Variants in SCN10A observed in about 807,000 individuals in gnomAD.
SCN10A encodes the protein sodium channel protein type 10 subunit alpha.
In SCN10A, 162 loss-of-function variants were observed where a neutral mutation model predicts 170.7. The ratio of observed to expected loss-of-function variants is 0.95; its 90% CI spans 0.84 to 1.08. The LOEUF is 1.08. SCN10A is among the 50% of genes least tolerant of loss of function. SCN10A has a pLI of 0.00. For missense variants in SCN10A, 2,527 were observed against 2,436.9 expected, an observed-to-expected ratio of 1.04 and a Z score of -0.78; for synonymous variants, 985 against 904.6, an observed-to-expected ratio of 1.09 and a Z score of -1.59.
chr3:38,756,190 G>A (rs2063802716), intron 10 of SCN10A, among the ~76,000 whole-genome samples: 1 of 152,158 alleles, frequency 6.6e-6, no homozygotes, highest in South Asian at 2.1e-4. Context: ...CACCAGGTCA[G>A]CACAGCTATC....
chr3:38,790,837 A>T (rs2064272069), intron 3 of SCN10A, among the ~76,000 whole-genome samples: 1 of 152,184 alleles, frequency 6.6e-6, no homozygotes, highest in South Asian at 2.1e-4. Context: ...ATTGACACTT[A>T]GGAAGTATTT....
intron 27 of SCN10A, 52 bp downstream of exon 27, chr3:38,701,787 A>C (rs910723486): frequency 6.6e-7 from 1 of 1,522,712 alleles, no homozygotes; most frequent in African/African-American, 1.4e-5. Flanking sequence ...AGAGCATCCC[A>C]AAGACCCCCA....
At position 38,804,882 on chromosome 3, in the gene SCN10A, AAGG is replaced by A. The variant is rs555680207; in HGVS notation, c.-32-10843_-32-10841del. 1.6e-4 allele frequency among the ~76,000 whole-genome samples: 24 copies of A among 152,274 alleles called. No homozygotes were observed. The South Asian group carries it at 1.7e-3, about 11-fold the overall frequency. ...TACAAAGATGCGGTAGCCAAAAATG[AAGG>A]AGAAGAAAAAGGATATGTCAGTGTC... On this transcript the variant is annotated intron_variant, in intron 1 of 27. Coordinates refer to ENST00000449082, the MANE Select transcript of SCN10A (RefSeq NM_006514.4).
chr3:38,734,887 A>G (rs1017529060), intron 15 of SCN10A, among the ~76,000 whole-genome samples: 9 of 152,206 alleles, frequency 5.9e-5, no homozygotes, highest in Non-Finnish European at 2.9e-5. Context: ...AGAAGAAATT[A>G]GGCTGGGCGT....
At chr3:38,757,764 C>G (rs1489178250) in intron 8 of SCN10A, among the ~76,000 whole-genome samples, 1 of 152,168 alleles carries the variant, frequency 6.6e-6, no homozygotes, top group Non-Finnish European at 1.5e-5. Flanking sequence ...ATATAACTGT[C>G]AAGTAGCCCA....
At position 38,760,688 on chromosome 3, in the gene SCN10A, C is replaced by A; in HGVS notation, c.943G>T (p.Asp315Tyr). 1 of 1,613,620 alleles carries A rather than the reference C, an allele frequency of 6.2e-7. No individual in the cohort carries two copies. Among genetic ancestry groups the A allele is most frequent in the South Asian group, 1.1e-5 (1 of 91,078 alleles). ...CATAAGTTGGGAACTCACCCTGAGT[C>A]AGATCCATTGCCACACAGTAAGGGG... is the stretch of plus-strand genomic sequence containing the variant. ...SDPLLCGNGS[D>Y]SGHCPDGYIC... Residue 315 changes from aspartate (D) to tyrosine (Y), a missense_variant, in exon 8 of 28, where the codon GAC (aspartate) becomes TAC (tyrosine). By Grantham distance (160) the Asp-to-Tyr change is radical. Transcript: ENST00000449082.
At chr3:38,719,029 C>T (rs561960357) in intron 20 of SCN10A, among the ~76,000 whole-genome samples, 41 of 152,360 alleles carry the variant, frequency 2.7e-4, no homozygotes, top group Admixed American at 1.2e-3. Flanking sequence ...AGCATGACTT[C>T]TTCAGGGCCA....
At chr3:38,713,820 G>T in intron 22 of SCN10A, 138 bp downstream of exon 22, 3 of 955,700 alleles carry the variant, frequency 3.1e-6, no homozygotes, top group Non-Finnish European at 4.6e-6. Flanking sequence ...CAGAGACAGG[G>T]TTTCGGCATG....
rs1181438824 is a variant in SCN10A, at chr3:38,742,375, G to T, written c.2022C>A (p.Cys674Ter). 1 of 1,614,048 alleles carries T rather than the reference G, an allele frequency of 6.2e-7. No individual in the cohort carries two copies. Among genetic ancestry groups the T allele is most frequent in the Non-Finnish European group, 8.5e-7 (1 of 1,180,012 alleles). The change falls in exon 14 of 28, where the codon TGC becomes TGA. Residue 674 changes from cysteine (C) to a stop codon, truncating the protein, a stop_gained. Coordinates refer to ENST00000449082, the MANE Select transcript of SCN10A (RefSeq NM_006514.4). LOFTEE classifies it high-confidence loss of function. ...DPFAELTITL[C>*]IVVNTIFMAM... ...CCATGAAGATGGTGTTCACCACGAT[G>T]CACAAGGTGATGGTGAGCTCTGCAA...
At chr3:38,756,902 G>A (rs749963613) in intron 9 of SCN10A, 31 bp from the exon 10 acceptor site, 2 of 1,612,172 alleles carry the variant, frequency 1.2e-6, no homozygotes, top group South Asian at 1.1e-5. Flanking sequence ...AGAGAAACCT[G>A]TACCCATAGC....
At chr3:38,746,095 ATATATGCCAT>A (rs2063686504) in intron 13 of SCN10A, among the ~76,000 whole-genome samples, 1 of 115,668 alleles carries the variant, frequency 8.6e-6, no homozygotes, top group Non-Finnish European at 1.8e-5. Flanking sequence ...ATATATATAT[ATATATGCCAT>A]CTTTGTCATC....
At chr3:38,724,596 C>T (rs919520800) in intron 18 of SCN10A, among the ~76,000 whole-genome samples, 1 of 152,152 alleles carries the variant, frequency 6.6e-6, no homozygotes, top group Non-Finnish European at 1.5e-5. Flanking sequence ...CTACTTTTGC[C>T]TAGAGAAAAT....
intron 27 of SCN10A, among the ~76,000 whole-genome samples, chr3:38,701,486 AC>A (rs2063155592): frequency 1.3e-5 from 2 of 152,100 alleles, no homozygotes; most frequent in Admixed American, 1.3e-4. Context: ...TGCTTTCAAG[AC>A]CATAAAAGTA....
At chr3:38,772,607 T>C (rs2064017944) in intron 4 of SCN10A, among the ~76,000 whole-genome samples, 2 of 151,998 alleles carry the variant, frequency 1.3e-5, no homozygotes, top group South Asian at 4.1e-4. Context: ...GAGAATGGCG[T>C]GAACCCGGGA....
At chr3:38,801,210 G>A (rs545025502) in intron 1 of SCN10A, among the ~76,000 whole-genome samples, 40 of 152,248 alleles carry the variant, frequency 2.6e-4, no homozygotes, top group African/African-American at 9.6e-4. Context: ...TGCTAATTGA[G>A]TCTGATCACA....
chr3:38,699,690 C>T (rs568110435), intron 27 of SCN10A, among the ~76,000 whole-genome samples: 32 of 152,322 alleles, frequency 2.1e-4, no homozygotes, highest in Middle Eastern at 3.4e-3. Context: ...ATGTTCCCAT[C>T]GTGTAGGGTA....
rs1265956514 is a variant in SCN10A at position 38,756,770 on chromosome 3, C to A, written c.1194G>T (p.Met398Ile). The change falls in exon 10 of 28, where the codon ATG becomes ATT. Residue 398 changes from methionine (M) to isoleucine (I), a missense_variant. By Grantham distance (10) the Met-to-Ile change is conservative (BLOSUM62 1). Coordinates refer to ENST00000449082, the MANE Select transcript of SCN10A (RefSeq NM_006514.4). The stretch of plus-strand genomic sequence containing the variant: ...TTGCCTGGTTCTGCTCCTCATACGC[C>A]ATGGTGACTACAGCCAAGATCAAGT... ...LVNLILAVVTMAYEEQNQATT... is the reference protein window; with the variant it reads ...LVNLILAVVTIAYEEQNQATT... 1 of 1,614,048 alleles carries A rather than the reference C, an allele frequency of 6.2e-7. No individual in the cohort carries two copies. Among genetic ancestry groups the A allele is most frequent in the Admixed American group, 1.7e-5 (1 of 60,004 alleles).
intron 14 of SCN10A, among the ~76,000 whole-genome samples, chr3:38,741,360 A>G (rs1344330080): frequency 1.3e-5 from 2 of 152,148 alleles, no homozygotes; most frequent in Non-Finnish European, 2.9e-5. Flanking sequence ...AGGGGTTAAG[A>G]AAAGCGGGCT....
chr3:38,703,805 G>C (rs1196322692), intron 26 of SCN10A, among the ~76,000 whole-genome samples: 3 of 152,132 alleles, frequency 2.0e-5, no homozygotes, highest in Non-Finnish European at 2.9e-5. Flanking sequence ...ACATATATGT[G>C]CAACTTTTGG....
Sources: allele counts gnomAD v4.1 joint callset (sites outside exome capture counted in the v4.1 genomes callset), GRCh38; gene constraint gnomAD v4.1.1; transcripts MANE v1.5; gene names NCBI Gene and HGNC (gene_info 2026-07-23, HGNC 2026-07-21).